The following PKNOX2 variants were observed in gnomAD, a reference collection of about 807,000 sequenced individuals.
The protein encoded by PKNOX2 is homeobox protein PKNOX2.
Under a neutral mutation model 53.1 loss-of-function variants are expected in PKNOX2, and 14 were observed. The observed-to-expected ratio is 0.26, with a 90% CI of 0.17 to 0.41. The LOEUF is 0.41. Ranked by LOEUF, PKNOX2 falls within the 10% of genes least tolerant of loss-of-function variation. The pLI, the probability that PKNOX2 is intolerant of heterozygous loss-of-function variation, is 1.00. For synonymous variants in PKNOX2, 257 were observed against 242.8 expected (o/e 1.06, Z -0.54); for missense variants, 496 against 602.8 (o/e 0.82, Z 1.85).
intron 5 of PKNOX2, among the ~76,000 whole-genome samples, 187 bp from the exon 6 acceptor site, chr11:125,385,364 G>A (rs1953550982): frequency 6.6e-6 from 1 of 152,214 alleles, no homozygotes; most frequent in South Asian, 2.1e-4. Flanking sequence ...CTGGAAGAGT[G>A]GACCCTCCTT....
In PKNOX2 at chr11:125,303,581, C is replaced by G. The variant is rs184770533; in HGVS notation, c.-129-28238C>G. 3.0e-3 allele frequency among the ~76,000 whole-genome samples: 463 copies of G among 152,322 alleles called. 1 individual carries two copies. The highest frequency in any genetic ancestry group is 0.011 in the African/African-American group (449 of 41,576). On this transcript the variant is annotated intron_variant, in intron 2 of 12. Coordinates refer to ENST00000298282, the MANE Select transcript of PKNOX2 (RefSeq NM_001382323.2). ...ATGGCCTTGGAGATTCCTGTCAACT[C>G]CAAGGTTCCCCGGCTCCATGACTCC...
chr11:125,405,232 G>C (rs112810466), intron 7 of PKNOX2, among the ~76,000 whole-genome samples: 3,164 of 152,342 alleles, frequency 0.021, 108 homozygotes, highest in African/African-American at 0.07. Flanking sequence ...TGTTTCACAG[G>C]CATCCAAGTA....
intron 2 of PKNOX2, among the ~76,000 whole-genome samples, chr11:125,307,453 G>A (rs1948538748): frequency 6.6e-6 from 1 of 152,150 alleles, no homozygotes; most frequent in African/African-American, 2.4e-5. Flanking sequence ...AGCTACTCAG[G>A]AGGCTGAGGC....
At chr11:125,237,330 G>C (rs1942781581) in intron 2 of PKNOX2, among the ~76,000 whole-genome samples, 1 of 152,112 alleles carries the variant, frequency 6.6e-6, no homozygotes, top group Non-Finnish European at 1.5e-5. Flanking sequence ...CTCTCAACTG[G>C]GGCAGTTGCA....
At chr11:125,196,518 A>G (rs1251095321) in intron 1 of PKNOX2, among the ~76,000 whole-genome samples, 2 of 152,130 alleles carry the variant, frequency 1.3e-5, no homozygotes, top group Non-Finnish European at 2.9e-5. Flanking sequence ...TGTGTTGCTA[A>G]CCAGACTTTT....
At chr11:125,388,165 C>A (rs939369403) in intron 6 of PKNOX2, among the ~76,000 whole-genome samples, 1 of 151,972 alleles carries the variant, frequency 6.6e-6, no homozygotes, top group Non-Finnish European at 1.5e-5. Flanking sequence ...CACCCCTGGT[C>A]CTGTGTCAGG....
chr11:125,187,320 A>G (rs550217193), intron 1 of PKNOX2, among the ~76,000 whole-genome samples: 1 of 152,262 alleles, frequency 6.6e-6, no homozygotes, highest in East Asian at 1.9e-4. Context: ...CATCTAAGCA[A>G]TATTAAGTCT....
At chr11:125,207,930 C>A (rs1197652509) in intron 1 of PKNOX2, among the ~76,000 whole-genome samples, 3 of 152,050 alleles carry the variant, frequency 2.0e-5, no homozygotes, top group Non-Finnish European at 4.4e-5. Flanking sequence ...TTTAATTCAA[C>A]AAATATTGAT....
At chr11:125,428,961 G>A (rs776319995) in intron 10 of PKNOX2, 51 bp from the exon 11 acceptor site, 2 of 1,547,948 alleles carry the variant, frequency 1.3e-6, no homozygotes, top group East Asian at 2.2e-5. Context: ...CCCTTGGGGG[G>A]GCCAGATCAG....
intron 10 of PKNOX2, among the ~76,000 whole-genome samples, chr11:125,424,079 T>C (rs964372496): frequency 1.3e-5 from 2 of 149,884 alleles, no homozygotes; most frequent in Admixed American, 6.6e-5. Flanking sequence ...AGCAAGAAAG[T>C]GGTTACTGCA....
At chr11:125,348,849 G>A (rs1157245126) in intron 3 of PKNOX2, among the ~76,000 whole-genome samples, 4 of 152,206 alleles carry the variant, frequency 2.6e-5, no homozygotes, top group Non-Finnish European at 5.9e-5. Flanking sequence ...ACCCAAGCCC[G>A]AGGTTAAAGA....
At chr11:125,256,778 G>C (rs1434505327) in intron 2 of PKNOX2, among the ~76,000 whole-genome samples, 1 of 152,198 alleles carries the variant, frequency 6.6e-6, no homozygotes, top group Non-Finnish European at 1.5e-5. Flanking sequence ...CTCTGGCTCA[G>C]CTGCTGTAGT....
chr11:125,210,988 T>C (rs967604134), intron 1 of PKNOX2, among the ~76,000 whole-genome samples: 3 of 152,190 alleles, frequency 2.0e-5, no homozygotes, highest in Admixed American at 1.3e-4. Flanking sequence ...AATAATAATG[T>C]TAATCTTGAA....
chr11:125,351,121 A>G (rs2100105094), intron 3 of PKNOX2, among the ~76,000 whole-genome samples, 163 bp from the exon 4 acceptor site: 1 of 152,080 alleles, frequency 6.6e-6, no homozygotes, highest in Admixed American at 6.5e-5. Context: ...CTCCCCACCC[A>G]GGCCTCTTCC....
chr11:125,182,089 G>T (rs1171870267), intron 1 of PKNOX2, among the ~76,000 whole-genome samples: 1 of 152,146 alleles, frequency 6.6e-6, no homozygotes, highest in East Asian at 1.9e-4. Flanking sequence ...AATTATGTTT[G>T]CATTCTAAAA....
At chr11:125,406,310 T>C (rs1016339910) in intron 7 of PKNOX2, among the ~76,000 whole-genome samples, 1 of 152,128 alleles carries the variant, frequency 6.6e-6, no homozygotes, top group Admixed American at 6.5e-5. Context: ...AGTGGAGTTG[T>C]GGGGCTAGTC....
chr11:125,398,787 A>C (rs1255627606), intron 7 of PKNOX2, among the ~76,000 whole-genome samples: 8 of 152,200 alleles, frequency 5.3e-5, no homozygotes, highest in Non-Finnish European at 5.9e-5. Flanking sequence ...CCCAACTCAC[A>C]GACATCTGCA....
intron 9 of PKNOX2, chr11:125,411,387 T>C: frequency 2.6e-6 from 1 of 390,186 alleles, no homozygotes; most frequent in Non-Finnish European, 4.9e-6. Context: ...ACAGAAATGC[T>C]GATAACTACT....
At chr11:125,200,444 C>G (rs1938307121) in intron 1 of PKNOX2, among the ~76,000 whole-genome samples, 1 of 152,222 alleles carries the variant, frequency 6.6e-6, no homozygotes, top group South Asian at 2.1e-4. Flanking sequence ...CCCTCGTTTC[C>G]TCGTAGCCCA....
Sources: gnomAD v4.1 joint callset for allele counts (sites outside exome capture counted in the v4.1 genomes callset) on GRCh38, gnomAD v4.1.1 for gene constraint, MANE v1.5 for transcripts, NCBI Gene and HGNC (gene_info 2026-07-23, HGNC 2026-07-21) for gene names.